The following FAM111B variants were observed in gnomAD, a reference collection of about 807,000 sequenced individuals.
The protein encoded by FAM111B is serine protease FAM111B.
FAM111B carries 1 observed loss-of-function variant against 2.8 expected under a neutral mutation model. The observed-to-expected ratio is 0.36, with a 90% confidence interval of 0.13 to 1.70. FAM111B has a LOEUF of 1.70. Ranked by LOEUF, FAM111B falls within the 40% of genes most tolerant of loss-of-function variation. The probability of loss-of-function intolerance (pLI) is 0.35; values close to 1 mark genes in which losing one functional copy is unlikely to be tolerated. For missense variants in FAM111B, 882 were observed against 878.9 expected (o/e 1.00, Z -0.04); for synonymous variants, 297 against 295.6 (o/e 1.00, Z -0.05).
At chr11:59,121,345 G>T (rs1859918551) in intron 3 of FAM111B, among the ~76,000 whole-genome samples, 1 of 152,038 alleles carries the variant, frequency 6.6e-6, no homozygotes, top group African/African-American at 2.4e-5. Flanking sequence ...GTGTGAAAAA[G>T]GGTTCAATTT....
rs1397161499 is a variant in FAM111B, at chr11:59,125,366, G to T, written c.1269G>T (p.Met423Ile). The T allele has an allele frequency of 6.2e-7, 1 of 1,613,924 alleles. No homozygotes were observed. Among genetic ancestry groups the T allele is most frequent in the South Asian group, 1.1e-5 (1 of 91,066 alleles). ...RKYFREEQKR[M>I]NLSPAKQFNI... The stretch of plus-strand genomic sequence containing the variant: ...ATTTTCGGGAAGAACAAAAGAGAAT[G>T]AATCTTTCACCAGCTAAGCAATTCA... The change falls in exon 4 of 4, where the codon ATG becomes ATT. Residue 423 changes from methionine (M) to isoleucine (I), a missense_variant. Physicochemically the swap from Met to Ile is conservative, Grantham distance 10 (BLOSUM62 1). Transcript: ENST00000343597.
chr11:59,109,343 A>C (rs1237006825), intron 2 of FAM111B, among the ~76,000 whole-genome samples, 197 bp from the exon 3 acceptor site: 1 of 152,148 alleles, frequency 6.6e-6, no homozygotes, highest in Non-Finnish European at 1.5e-5. Flanking sequence ...GTCTTCTCAA[A>C]TCAGGGAAAC....
At chr11:59,114,977 A>T (rs964536478) in intron 3 of FAM111B, among the ~76,000 whole-genome samples, 1 of 152,194 alleles carries the variant, frequency 6.6e-6, no homozygotes, top group Non-Finnish European at 1.5e-5. Context: ...CTAGAGGAAC[A>T]ACATTGAAGA....
At chr11:59,114,467 G>A (rs2135397860) in intron 3 of FAM111B, among the ~76,000 whole-genome samples, 1 of 152,254 alleles carries the variant, frequency 6.6e-6, no homozygotes, top group South Asian at 2.1e-4. Context: ...GAGTGGATGA[G>A]AGGTGTGAAG....
chr11:59,115,596 G>A (rs552265805), intron 3 of FAM111B, among the ~76,000 whole-genome samples: 1 of 152,196 alleles, frequency 6.6e-6, no homozygotes, highest in Non-Finnish European at 1.5e-5. Flanking sequence ...CCAAGGAGAG[G>A]TCTTTTTGCT....
At chr11:59,119,747 T>A (rs777245936) in intron 3 of FAM111B, among the ~76,000 whole-genome samples, 1 of 152,192 alleles carries the variant, frequency 6.6e-6, no homozygotes, top group Non-Finnish European at 1.5e-5. Flanking sequence ...GTATTTCCCT[T>A]ATAATGAGGG....
chr11:59,113,609 A>C (rs1035179361), intron 3 of FAM111B, among the ~76,000 whole-genome samples: 1 of 152,158 alleles, frequency 6.6e-6, no homozygotes, highest in South Asian at 2.1e-4. Flanking sequence ...TCCACCCTAC[A>C]TAAACTCCTC....
Position 59,125,866 on chromosome 11 carries a change from G to T in FAM111B, c.1769G>T (p.Cys590Phe), listed in dbSNP as rs1419469169. 3.7e-6 allele frequency: 6 copies of T among 1,613,782 alleles called. No homozygotes were observed. In the African/African-American group the frequency reaches 8.0e-5, roughly 22 times the overall value. ...PEGQIKKIDG[C>F]TVIPLNERLK... ...GGCCAGATCAAGAAAATAGATGGTT[G>T]TACTGTGATTCCTCTAAACGAACGA... The change falls in exon 4 of 4, where the codon TGT becomes TTT. Residue 590 changes from cysteine (C) to phenylalanine (F), a missense_variant. Coordinates refer to ENST00000343597, the MANE Select transcript of FAM111B (RefSeq NM_198947.4).
rs1257525520 is a variant in FAM111B, at chr11:59,127,380, C to G, written c.*1078C>G. 3 of 151,988 alleles carry G rather than the reference C, an allele frequency of 2.0e-5. No homozygotes were observed. The highest frequency in any genetic ancestry group is 4.4e-5 in the Non-Finnish European group (3 of 67,962). 9.4% of individuals were successfully genotyped at this position (151,988 alleles called of 1,614,324 possible). A position where few individuals can be genotyped will look rare whatever the true frequency, so the allele number is the denominator to read the frequency against. Reference sequence around the variant, plus strand: ...CAAAACTGCACATGGACTCTTAAACCTAAATAAAAGTTTAAAATATATATA... The same window carrying G: ...CAAAACTGCACATGGACTCTTAAACGTAAATAAAAGTTTAAAATATATATA... On this transcript the variant is annotated 3_prime_UTR_variant, in exon 4 of 4. Coordinates refer to ENST00000343597, the MANE Select transcript of FAM111B (RefSeq NM_198947.4).
chr11:59,117,474 T>G (rs1396683327), intron 3 of FAM111B, among the ~76,000 whole-genome samples: 1 of 152,168 alleles, frequency 6.6e-6, no homozygotes, highest in Non-Finnish European at 1.5e-5. Flanking sequence ...CCCAAAAGGT[T>G]CCACCCCCTT....
At position 59,125,368 on chromosome 11, in the gene FAM111B, A is replaced by G. The variant is rs766557787; in HGVS notation, c.1271A>G (p.Asn424Ser). The change falls in exon 4 of 4, where the codon AAT (asparagine) becomes AGT (serine). Residue 424 changes from asparagine to serine, a missense_variant. Asn to Ser is a conservative substitution (Grantham distance 46). Transcript: ENST00000343597. Reference sequence around the variant, plus strand: ...TTTCGGGAAGAACAAAAGAGAATGAATCTTTCACCAGCTAAGCAATTCAAC... The same window carrying G: ...TTTCGGGAAGAACAAAAGAGAATGAGTCTTTCACCAGCTAAGCAATTCAAC... ...KYFREEQKRM[N>S]LSPAKQFNIY... The G allele has an allele frequency of 1.2e-6, 2 of 1,613,986 alleles. No individual in the cohort carries two copies. Among genetic ancestry groups the G allele is most frequent in the Non-Finnish European group, 1.7e-6 (2 of 1,179,830 alleles).
At chr11:59,112,540 A>G (rs952580393) in intron 3 of FAM111B, among the ~76,000 whole-genome samples, 9 of 152,220 alleles carry the variant, frequency 5.9e-5, no homozygotes, top group African/African-American at 2.2e-4. Context: ...AATTGCTGTC[A>G]TGGAAAGTGT....
rs771073776 is a variant in FAM111B, at chr11:59,124,924, A to G, written c.827A>G (p.Gln276Arg). ...MDISKKKALQ[Q>R]KDIHKKIKQN... ...ATTTCAAAAAAAAAAGCATTACAAC[A>G]GAAAGATATCCATAAAAAAATTAAA... Residue 276 changes from glutamine to arginine, a missense_variant, in exon 4 of 4, where the codon CAG (glutamine) becomes CGG (arginine). Physicochemically the swap from Gln to Arg is conservative, Grantham distance 43. Coordinates refer to ENST00000343597, the MANE Select transcript of FAM111B (RefSeq NM_198947.4). The G allele has an allele frequency of 1.2e-6, 2 of 1,605,516 alleles. No homozygotes were observed. The highest frequency in any genetic ancestry group is 1.7e-6 in the Non-Finnish European group (2 of 1,177,786).
chr11:59,112,440 G>A (rs1176268092), intron 3 of FAM111B, among the ~76,000 whole-genome samples: 1 of 152,156 alleles, frequency 6.6e-6, no homozygotes, highest in Non-Finnish European at 1.5e-5. Flanking sequence ...CCAGTTTGGG[G>A]ACTTTGTATA....
In FAM111B at chr11:59,125,355, C is replaced by T. The variant is rs770887644; in HGVS notation, c.1258C>T (p.Gln420Ter). Residue 420 changes from glutamine to a stop codon, truncating the protein, a stop_gained, in exon 4 of 4, where the codon CAA becomes TAA. Coordinates refer to ENST00000343597, the MANE Select transcript of FAM111B (RefSeq NM_198947.4). LOFTEE classifies it low-confidence loss of function (END_TRUNC). ...QWVRKYFREE[Q>*]KRMNLSPAKQ... ...GGTAAGAAAATATTTTCGGGAAGAA[C>T]AAAAGAGAATGAATCTTTCACCAGC... The T allele has an allele frequency of 6.2e-7, 1 of 1,613,812 alleles. No individual in the cohort carries two copies. Among genetic ancestry groups the T allele is most frequent in the Non-Finnish European group, 8.5e-7 (1 of 1,179,786 alleles).
intron 3 of FAM111B, chr11:59,110,026 A>C: frequency 5.7e-6 from 1 of 174,894 alleles, no homozygotes; most frequent in South Asian, 1.8e-4. Flanking sequence ...GTGTCCCATC[A>C]TATGTATTAT....
In FAM111B at chr11:59,125,711, G is replaced by T; in HGVS notation, c.1614G>T (p.Val538=). ...NWFSIEPWLK[V]SNENLDYAIL... ...TTTCCATTGAGCCATGGCTTAAAGTGTCCAATGAAAATCTAGATTATGCCA... is the reference window on the plus strand; with the variant it reads ...TTTCCATTGAGCCATGGCTTAAAGTTTCCAATGAAAATCTAGATTATGCCA... The change falls in exon 4 of 4, where the codon GTG becomes GTT. Residue 538 remains valine (V), a synonymous_variant. Coordinates refer to ENST00000343597, the MANE Select transcript of FAM111B (RefSeq NM_198947.4). The T allele has an allele frequency of 6.2e-7, 1 of 1,613,770 alleles. No individual in the cohort carries two copies. Among genetic ancestry groups the T allele is most frequent in the South Asian group, 1.1e-5 (1 of 91,066 alleles).
chr11:59,110,978 G>A (rs1007929035), intron 3 of FAM111B, among the ~76,000 whole-genome samples: 2 of 152,050 alleles, frequency 1.3e-5, no homozygotes, highest in African/African-American at 2.4e-5. Context: ...AAATGGATTC[G>A]CTGGTTCACA....
chr11:59,112,950 G>A (rs1590888041), intron 3 of FAM111B, among the ~76,000 whole-genome samples: 1 of 152,064 alleles, frequency 6.6e-6, no homozygotes, highest in Admixed American at 6.6e-5. Context: ...TGTGTGGCTT[G>A]TCTTTTCATC....
Sources: allele counts gnomAD v4.1 joint callset (sites outside exome capture counted in the v4.1 genomes callset), GRCh38; gene constraint gnomAD v4.1.1; transcripts MANE v1.5; gene names NCBI Gene and HGNC (gene_info 2026-07-23, HGNC 2026-07-21).